Variants in DLG2 observed in about 807,000 individuals in gnomAD.
DLG2 encodes the protein disks large homolog 2.
Under a neutral mutation model 132.5 loss-of-function variants are expected in DLG2, and 45 were observed. The observed-to-expected ratio is 0.34, with a 90% confidence interval of 0.27 to 0.44. The LOEUF is 0.44. DLG2 is among the 20% of genes least tolerant of loss of function. DLG2 has a pLI of 1.00. For synonymous variants in DLG2, 424 were observed against 419.6 expected (o/e 1.01, Z -0.13); for missense variants, 1,045 against 1,196.9 (o/e 0.87, Z 1.87).
chr11:84,316,127 G>A (rs916934255), intron 7 of DLG2, among the ~76,000 whole-genome samples: 19 of 152,004 alleles, frequency 1.2e-4, no homozygotes, highest in Non-Finnish European at 2.1e-4. Flanking sequence ...GAATAACCTA[G>A]GAATCAAATT....
chr11:83,976,088 A>C (rs1378117936), intron 12 of DLG2, among the ~76,000 whole-genome samples: 6 of 151,846 alleles, frequency 4.0e-5, no homozygotes, highest in Non-Finnish European at 5.9e-5. Flanking sequence ...CCCAATATGG[A>C]TGGTATGATT....
At position 85,215,748 on chromosome 11, in the gene DLG2, C is replaced by G. The variant is rs2082547259; in HGVS notation, c.187-61097G>C. The stretch of plus-strand genomic sequence containing the variant: ...AAATTTACTCTTCTTTGTTAAAATG[C>G]TACATAAACCCAAGTTCCTACCACC... On this transcript the variant is annotated intron_variant, in intron 4 of 27. Transcript: ENST00000376104. 5.3e-5 allele frequency among the ~76,000 whole-genome samples: 8 copies of G among 152,246 alleles called. 1 individual carries two copies. In the South Asian group the frequency reaches 1.7e-3, roughly 32 times the overall value.
At chr11:84,667,770 A>G (rs1297859236) in intron 6 of DLG2, among the ~76,000 whole-genome samples, 1 of 152,028 alleles carries the variant, frequency 6.6e-6, no homozygotes, top group Non-Finnish European at 1.5e-5. Flanking sequence ...AAGTGCTGGG[A>G]TTACAAGTGT....
chr11:84,666,739 C>T (rs953352787), intron 6 of DLG2, among the ~76,000 whole-genome samples: 2 of 151,880 alleles, frequency 1.3e-5, no homozygotes, highest in East Asian at 1.9e-4. Context: ...TAAATAAAAT[C>T]ACACACTCAG....
intron 18 of DLG2, chr11:83,692,948 T>C (rs957302029): frequency 3.3e-5 from 5 of 152,188 alleles, no homozygotes; most frequent in African/African-American, 1.2e-4. Context: ...ATGAATCTTT[T>C]GGCTTCAGAG....
Position 84,583,720 on chromosome 11 carries a change from T to C in DLG2, c.358-48989A>G, listed in dbSNP as rs1459296403. Among the ~76,000 whole-genome samples the C allele has an allele frequency of 2.0e-5, 3 of 152,282 alleles. No homozygotes were observed. The East Asian group carries it at 5.8e-4, about 29-fold the overall frequency. ...AAATTTTTTAGCACTCCTTTTTTCA[T>C]TGTATGGTTTTAGTGTATATATACA... On this transcript the variant is annotated intron_variant, in intron 6 of 27. Coordinates refer to ENST00000376104, the MANE Select transcript of DLG2 (RefSeq NM_001142699.3).
At chr11:83,982,431 G>C (rs943622292) in intron 11 of DLG2, among the ~76,000 whole-genome samples, 1 of 149,332 alleles carries the variant, frequency 6.7e-6, no homozygotes, top group Non-Finnish European at 1.5e-5. Flanking sequence ...GGTAGGCCTA[G>C]GCTAATGTGT....
chr11:85,275,113 GA>G (rs1035309237), intron 4 of DLG2, among the ~76,000 whole-genome samples: 11 of 152,090 alleles, frequency 7.2e-5, no homozygotes, highest in Admixed American at 2.6e-4. Flanking sequence ...TTTTGTCAAT[GA>G]TTTTCAGTGA....
intron 5 of DLG2, among the ~76,000 whole-genome samples, chr11:85,143,123 A>C (rs1417764273): frequency 6.6e-6 from 1 of 151,604 alleles, no homozygotes; most frequent in Admixed American, 6.6e-5. Context: ...TTTGAGTAGG[A>C]TTGGTATTAG....
intron 6 of DLG2, among the ~76,000 whole-genome samples, chr11:84,919,558 G>T (rs556911358): frequency 2.1e-4 from 32 of 152,252 alleles, no homozygotes; most frequent in Non-Finnish European, 4.3e-4. Flanking sequence ...GTGGAAAAGA[G>T]TAACTAGTCA....
Position 85,111,996 on chromosome 11 carries a change from G to C in DLG2, c.283-261C>G, listed in dbSNP as rs185510855. Among the ~76,000 whole-genome samples the C allele has an allele frequency of 7.9e-5, 12 of 152,080 alleles. No individual in the cohort carries two copies. The East Asian group carries it at 2.1e-3, about 27-fold the overall frequency. On this transcript the variant is annotated intron_variant, in intron 5 of 27. Coordinates refer to ENST00000376104, the MANE Select transcript of DLG2 (RefSeq NM_001142699.3). ...GCTGTCTCAGCATCTGGCCTTCCAG[G>C]CTTCAATACCAACCACCTGAGAACT...
intron 3 of DLG2, among the ~76,000 whole-genome samples, chr11:85,514,218 T>C (rs2094132125): frequency 6.6e-6 from 1 of 151,994 alleles, no homozygotes; most frequent in Non-Finnish European, 1.5e-5. Flanking sequence ...ATCAACTTTG[T>C]AAGATAGATA....
intron 6 of DLG2, among the ~76,000 whole-genome samples, chr11:84,629,100 G>A (rs758570110): frequency 2.9e-4 from 44 of 152,120 alleles, no homozygotes; most frequent in Non-Finnish European, 1.5e-4. Flanking sequence ...GCAACTGCCT[G>A]TTAATTATAG....
At chr11:84,546,372 C>T (rs779208681) in intron 6 of DLG2, 9 of 191,074 alleles carry the variant, frequency 4.7e-5, no homozygotes, top group Admixed American at 1.1e-4. Flanking sequence ...GAGGCCTCCC[C>T]GGAAGCCCAA....
At chr11:83,694,980 C>T (rs1338382960) in intron 18 of DLG2, among the ~76,000 whole-genome samples, 1 of 152,184 alleles carries the variant, frequency 6.6e-6, no homozygotes, top group Non-Finnish European at 1.5e-5. Flanking sequence ...TTTGCATTAC[C>T]AATATGCTGA....
intron 6 of DLG2, among the ~76,000 whole-genome samples, chr11:84,752,708 TCCCTCCC>T (rs2066316092): frequency 9.2e-6 from 1 of 108,328 alleles, no homozygotes; most frequent in Non-Finnish European, 1.8e-5. Flanking sequence ...CCCAATGCTA[TCCCTCCC>T]CCCTCCCCCC....
chr11:85,117,630 T>A (rs1215558118), intron 5 of DLG2, among the ~76,000 whole-genome samples: 5 of 129,726 alleles, frequency 3.9e-5, no homozygotes, highest in Admixed American at 7.7e-5. Flanking sequence ...AAAAAAGTAA[T>A]CGTAAATAGG....
At chr11:83,657,627 C>T (rs2072982266) in intron 18 of DLG2, among the ~76,000 whole-genome samples, 2 of 146,396 alleles carry the variant, frequency 1.4e-5, no homozygotes, top group Admixed American at 6.8e-5. Flanking sequence ...CAAGATCTGC[C>T]TCCCGGGTTC....
At chr11:85,344,194 G>A (rs1052919629) in intron 3 of DLG2, among the ~76,000 whole-genome samples, 2 of 152,026 alleles carry the variant, frequency 1.3e-5, no homozygotes, top group Non-Finnish European at 2.9e-5. Flanking sequence ...AGACCTGTTG[G>A]CTTCCTGAAT....
Sources: gnomAD v4.1 joint callset for allele counts (sites outside exome capture counted in the v4.1 genomes callset) on GRCh38, gnomAD v4.1.1 for gene constraint, MANE v1.5 for transcripts, NCBI Gene and HGNC (gene_info 2026-07-23, HGNC 2026-07-21) for gene names.